The following PRDM2 variants were observed in gnomAD, a reference collection of about 807,000 sequenced individuals.
PRDM2 encodes the protein PR domain zinc finger protein 2.
Under a neutral mutation model 130.0 loss-of-function variants are expected in PRDM2, and 30 were observed. The observed-to-expected ratio is 0.23, with a 90% CI of 0.17 to 0.31. The LOEUF (loss-of-function observed/expected upper bound fraction) is 0.31, where lower values mean the gene tolerates loss of function less well. PRDM2 is among the 10% of genes least tolerant of loss of function. The probability of loss-of-function intolerance (pLI) is 1.00; values close to 1 mark genes in which losing one functional copy is unlikely to be tolerated. For synonymous variants in PRDM2, 871 were observed against 782.4 expected (o/e 1.11, Z -1.89); for missense variants, 2,011 against 2,108.4 (o/e 0.95, Z 0.90).
chr1:13,766,051 T>A (rs1049847566), intron 6 of PRDM2, among the ~76,000 whole-genome samples: 1 of 152,208 alleles, frequency 6.6e-6, no homozygotes, highest in African/African-American at 2.4e-5. Flanking sequence ...TTATAATGCA[T>A]TGCTCATTCT....
rs3765936 is a variant in PRDM2 at position 13,794,459 on chromosome 1, T to A, written c.5036+11628T>A. The stretch of plus-strand genomic sequence containing the variant: ...CAGCATCTATTAATAGAATGGAGCC[T>A]GGCATGTAGTAGCTGCTCAATAAAT... On this transcript the variant is annotated intron_variant, in intron 8 of 9. Transcript: ENST00000311066. Among the ~76,000 whole-genome samples, 8 of 152,358 alleles carry A rather than the reference T, an allele frequency of 5.3e-5. No individual in the cohort carries two copies. The East Asian group carries it at 1.5e-3, about 29-fold the overall frequency.
intron 8 of PRDM2, among the ~76,000 whole-genome samples, chr1:13,808,372 G>A (rs1350392947): frequency 6.6e-6 from 1 of 151,002 alleles, no homozygotes; most frequent in Non-Finnish European, 1.5e-5. Context: ...GCTGAGGCAG[G>A]AGAATGGCGT....
chr1:13,744,600 T>C (rs563771007), intron 5 of PRDM2, among the ~76,000 whole-genome samples: 1 of 152,152 alleles, frequency 6.6e-6, no homozygotes, highest in Non-Finnish European at 1.5e-5. Context: ...GAGGTAATAA[T>C]AAAACTGCTT....
In PRDM2 at chr1:13,782,755, C is replaced by T; in HGVS notation, c.4960C>T (p.Gln1654Ter). Reference protein sequence around the residue: ...RSGGPVTRSLQLAAAADLSEN... With the variant: ...RSGGPVTRSL ...TGGGGGGCCAGTCACCCGGAGCCTTCAGCTGGCAGCTGCTGCTGACTTGAG... is the reference window on the plus strand; with the variant it reads ...TGGGGGGCCAGTCACCCGGAGCCTTTAGCTGGCAGCTGCTGCTGACTTGAG... The change falls in exon 8 of 10, where the codon CAG becomes TAG. Residue 1654 changes from glutamine (Q) to a stop codon, truncating the protein, a stop_gained. Transcript: ENST00000311066. LOFTEE classifies it high-confidence loss of function. The T allele has an allele frequency of 6.2e-7, 1 of 1,612,356 alleles. No homozygotes were observed. Among genetic ancestry groups the T allele is most frequent in the Non-Finnish European group, 8.5e-7 (1 of 1,179,460 alleles).
At chr1:13,800,062 GC>G (rs1294137585) in intron 8 of PRDM2, among the ~76,000 whole-genome samples, 1 of 152,080 alleles carries the variant, frequency 6.6e-6, no homozygotes, top group Non-Finnish European at 1.5e-5. Context: ...GCAGATCTTG[GC>G]CATTCATTCA....
chr1:13,718,706 G>C (rs1642627413), intron 2 of PRDM2, among the ~76,000 whole-genome samples: 1 of 152,090 alleles, frequency 6.6e-6, no homozygotes, highest in African/African-American at 2.4e-5. Context: ...TTGAGCCCAT[G>C]CCTGGGTGGC....
intron 8 of PRDM2, among the ~76,000 whole-genome samples, chr1:13,801,867 G>C (rs1379906189): frequency 6.6e-6 from 1 of 152,180 alleles, no homozygotes; most frequent in African/African-American, 2.4e-5. Flanking sequence ...TCCCCAAATA[G>C]TGCCTGGCTG....
chr1:13,780,142 G>C lies in PRDM2; in HGVS notation c.2347G>C (p.Ala783Pro). 1 of 1,608,794 alleles carries C rather than the reference G, an allele frequency of 6.2e-7. No homozygotes were observed. The highest frequency in any genetic ancestry group is 8.5e-7 in the Non-Finnish European group (1 of 1,176,480). The part of the protein sequence containing the change: ...SKLESHSDSP[A>P]WSLSGRDERE... The stretch of plus-strand genomic sequence containing the variant: ...ATTAGAAAGTCACAGCGACTCACCA[G>C]CATGGAGTTTGTCTGGGAGAGATGA... The change falls in exon 8 of 10, where the codon GCA becomes CCA. Residue 783 changes from alanine (A) to proline (P), a missense_variant. Ala to Pro is a conservative substitution (Grantham distance 27). Around this residue, in one of 5 missense-constraint regions of PRDM2, gnomAD observed 1,288 missense variants for 1,237.7 expected, o/e 1.04. Transcript: ENST00000311066.
chr1:13,706,545 A>G (rs1642216073), intron 1 of PRDM2, among the ~76,000 whole-genome samples: 1 of 152,164 alleles, frequency 6.6e-6, no homozygotes, highest in Non-Finnish European at 1.5e-5. Flanking sequence ...GGTATCTGAG[A>G]ACTCTACCAC....
chr1:13,820,990 C>G (rs578140832), intron 9 of PRDM2, among the ~76,000 whole-genome samples: 29 of 152,186 alleles, frequency 1.9e-4, no homozygotes, highest in Admixed American at 1.7e-3. Context: ...GGAAGGGATG[C>G]CTCCTCTCTT....
At chr1:13,762,872 C>T (rs987805004) in intron 6 of PRDM2, among the ~76,000 whole-genome samples, 1 of 152,172 alleles carries the variant, frequency 6.6e-6, no homozygotes, top group Non-Finnish European at 1.5e-5. Flanking sequence ...CATAGAGGCA[C>T]AGCTGCAGGC....
Position 13,771,869 on chromosome 1 carries a change from T to C in PRDM2, c.512-1209T>C, listed in dbSNP as rs1644368051. 6.6e-6 allele frequency: 1 copy of C among 152,254 alleles called. No homozygotes were observed. The highest frequency in any genetic ancestry group is 2.1e-4 in the South Asian group (1 of 4,834). 9.4% of individuals were successfully genotyped at this position (152,254 alleles called of 1,614,324 possible). On this transcript the variant is annotated intron_variant, in intron 6 of 9. Transcript: ENST00000311066. The surrounding 1 kb of genome is among the most constrained non-coding windows in gnomAD (Gnocchi z 4.1). ...TGTTTTTTAGGATTTGTTTTTGCTTTGTATTGTATTTGATGTTTCTACTTT... is the reference window on the plus strand; with the variant it reads ...TGTTTTTTAGGATTTGTTTTTGCTTCGTATTGTATTTGATGTTTCTACTTT...
chr1:13,704,342 A>G (rs1463396543), intron 1 of PRDM2, among the ~76,000 whole-genome samples: 1 of 151,758 alleles, frequency 6.6e-6, no homozygotes, highest in Non-Finnish European at 1.5e-5. Context: ...TTTGGAATGA[A>G]ATATGCTTAC....
At chr1:13,786,769 T>C (rs2100693422) in intron 8 of PRDM2, 2 of 1,353,550 alleles carry the variant, frequency 1.5e-6, no homozygotes, top group Middle Eastern at 2.1e-4. Context: ...AGAAGGGCAC[T>C]GTAAGACAGG....
At chr1:13,719,834 T>C (rs1047402786) in intron 2 of PRDM2, among the ~76,000 whole-genome samples, 1 of 152,204 alleles carries the variant, frequency 6.6e-6, no homozygotes, top group Admixed American at 6.5e-5. Context: ...AGATTCTTGT[T>C]TGCAAATCTA....
rs1644556604 is a variant in PRDM2, at chr1:13,779,460, C to T, written c.1665C>T (p.Ile555=). 2 of 1,614,158 alleles carry T rather than the reference C, an allele frequency of 1.2e-6. No homozygotes were observed. Among genetic ancestry groups the T allele is most frequent in the Non-Finnish European group, 1.7e-6 (2 of 1,180,010 alleles). Residue 555 remains isoleucine, a synonymous_variant, in exon 8 of 10, where the codon ATC becomes ATT. Coordinates refer to ENST00000311066, the MANE Select transcript of PRDM2 (RefSeq NM_001393986.1). This position sits in a 1 kb window ranked among gnomAD's most constrained non-coding sequence, Gnocchi z 4.9. ...AAGGGGAAGCAGATGATGTGTACAT[C>T]ATGGACATTTCTAGCAATATCTCTG... The part of the protein sequence containing the change: ...EEEGEADDVY[I]MDISSNISEN...
In PRDM2 at chr1:13,771,804, T is replaced by C. The variant is rs1442144095; in HGVS notation, c.512-1274T>C. ...TTTTAAGACTAACAAGCAAAATGAC[T>C]GTTAAGGTTATGTCTCAAATTTTTG... On this transcript the variant is annotated intron_variant, in intron 6 of 9. Transcript: ENST00000311066. The surrounding 1 kb of genome is among the most constrained non-coding windows in gnomAD (Gnocchi z 4.1). 6.6e-6 allele frequency: 1 copy of C among 152,206 alleles called. No homozygotes were observed. The highest frequency in any genetic ancestry group is 2.4e-5 in the African/African-American group (1 of 41,454). 9.4% of individuals were successfully genotyped at this position (152,206 alleles called of 1,614,324 possible). A position where few individuals can be genotyped will look rare whatever the true frequency, so the allele number is the denominator to read the frequency against.
intron 7 of PRDM2, among the ~76,000 whole-genome samples, chr1:13,776,290 C>T (rs1644473655): frequency 6.6e-6 from 1 of 152,120 alleles, no homozygotes; most frequent in African/African-American, 2.4e-5. Context: ...GGGGAACAGC[C>T]AGGTAATGTA....
intron 7 of PRDM2, among the ~76,000 whole-genome samples, chr1:13,774,959 C>T (rs554540823): frequency 6.7e-6 from 1 of 148,704 alleles, no homozygotes; most frequent in Admixed American, 6.8e-5. Context: ...CAGAGCGAGA[C>T]TCCGTCTCAA....
Sources: gnomAD v4.1 joint callset for allele counts (sites outside exome capture counted in the v4.1 genomes callset) on GRCh38, gnomAD v4.1.1 for gene constraint, gnomAD v4.1.1 regional missense constraint, Gnocchi (gnomAD v3.1) non-coding constraint, MANE v1.5 for transcripts, NCBI Gene and HGNC (gene_info 2026-07-23, HGNC 2026-07-21) for gene names.